PRPF31: variants seen among roughly 807,000 people sequenced by gnomAD.
PRPF31 encodes pre-mRNA processing factor 31, also known as U4/U6 small nuclear ribonucleoprotein Prp31.
A neutral mutation model predicts 60.4 loss-of-function variants in PRPF31; 12 were observed. That is an observed-to-expected ratio of 0.20 (90% CI 0.13 to 0.32). The LOEUF is 0.32. Ranked by LOEUF, PRPF31 falls within the 10% of genes least tolerant of loss-of-function variation. PRPF31 has a pLI of 1.00. For synonymous variants in PRPF31, 287 were observed against 287.9 expected, an observed-to-expected ratio of 1.00 and a Z score of 0.03; for missense variants, 431 against 687.1, an observed-to-expected ratio of 0.63 and a Z score of 4.17.
intron 1 of PRPF31, among the ~76,000 whole-genome samples, chr19:54,117,102 AG>A (rs2073664103): frequency 6.6e-6 from 1 of 151,964 alleles, no homozygotes; most frequent in Non-Finnish European, 1.5e-5. Context: ...CTCAAAAAAA[AG>A]AAAAGAAAAG....
intron 8 of PRPF31, among the ~76,000 whole-genome samples, chr19:54,126,309 T>C (rs587638785): frequency 6.6e-6 from 1 of 152,276 alleles, no homozygotes; most frequent in African/African-American, 2.4e-5. Context: ...CATCCTTACC[T>C]GATGGCCACT....
At chr19:54,122,640 G>A in intron 5 of PRPF31, 46 bp downstream of exon 5, 2 of 1,504,824 alleles carry the variant, frequency 1.3e-6, no homozygotes, top group Non-Finnish European at 1.9e-6. Flanking sequence ...TGAAGGGGCA[G>A]GCGGGGCTCA....
intron 13 of PRPF31, among the ~76,000 whole-genome samples, chr19:54,130,638 AG>A (rs1209499151): frequency 6.6e-6 from 1 of 151,214 alleles, no homozygotes; most frequent in Non-Finnish European, 1.5e-5. Context: ...AAAAAAAAAA[AG>A]AAGGCAGAAA....
intron 3 of PRPF31, among the ~76,000 whole-genome samples, chr19:54,121,393 T>G (rs1600333209): frequency 7.7e-5 from 10 of 129,122 alleles, no homozygotes; most frequent in African/African-American, 1.5e-4. Context: ...TGAGGTGTGG[T>G]GAGAGGATGG....
At position 54,129,375 on chromosome 19, in the gene PRPF31, C is replaced by A. The variant is rs746073339; in HGVS notation, c.1374+5C>A. On this transcript the variant is annotated splice_donor_5th_base_variant and intron_variant, in intron 13 of 13. Coordinates refer to ENST00000321030, the MANE Select transcript of PRPF31 (RefSeq NM_015629.4). ...GTGGCCTTCACCCCACTCCAGGTAC[C>A]TCCCCTGGGCCGGCTCTGTCCCCAG... is the stretch of plus-strand genomic sequence containing the variant. The A allele has an allele frequency of 3.1e-6, 5 of 1,588,878 alleles. No individual in the cohort carries two copies. Among genetic ancestry groups the A allele is most frequent in the Non-Finnish European group, 1.7e-6 (2 of 1,169,048 alleles).
At chr19:54,128,682 C>T (rs1227086647) in intron 11 of PRPF31, among the ~76,000 whole-genome samples, 1 of 152,140 alleles carries the variant, frequency 6.6e-6, no homozygotes, top group Non-Finnish European at 1.5e-5. Flanking sequence ...CCGCCCCGTC[C>T]CTGGGCCCCG....
At chr19:54,131,286 C>G (rs1445230736) in intron 13 of PRPF31, 21 bp from the exon 14 acceptor site, 14 of 1,613,510 alleles carry the variant, frequency 8.7e-6, no homozygotes, top group Non-Finnish European at 1.2e-5. Context: ...ACCCATCATC[C>G]TCTCTCCCTC....
rs759047815 is a variant in PRPF31 at position 54,126,510 on chromosome 19, C to T, written c.856-18C>T. 31 of 1,608,988 alleles carry T rather than the reference C, an allele frequency of 1.9e-5. No individual in the cohort carries two copies. The highest frequency in any genetic ancestry group is 4.5e-5 in the East Asian group (2 of 44,740). On this transcript the variant is annotated intron_variant, in intron 8 of 13. Transcript: ENST00000321030. ...GTCTGTCTCACACAGATTCCACCCC[C>T]GTTTTCCGTTGCTCCAGGATCTGCG...
In PRPF31 at chr19:54,118,262, C is replaced by T; in HGVS notation, c.-8-9C>T. On this transcript the variant is annotated splice_polypyrimidine_tract_variant and intron_variant, in intron 1 of 13. Coordinates refer to ENST00000321030, the MANE Select transcript of PRPF31 (RefSeq NM_015629.4). ...CAAGTTTTTAGGGAACGCTGCTGTCCCTCCCCAGGCCTCGGGATGTCTCTG... is the reference window on the plus strand; with the variant it reads ...CAAGTTTTTAGGGAACGCTGCTGTCTCTCCCCAGGCCTCGGGATGTCTCTG... The T allele has an allele frequency of 6.2e-7, 1 of 1,612,328 alleles. No individual in the cohort carries two copies. Among genetic ancestry groups the T allele is most frequent in the South Asian group, 1.1e-5 (1 of 90,990 alleles).
At position 54,123,817 on chromosome 19, in the gene PRPF31, C is replaced by A; in HGVS notation, c.596C>A (p.Ala199Asp). ...EACDMALELN[A>D]SKHRIYEYVE... ...TGCGACATGGCGCTGGAGCTGAACGCCTCCAAGCACCGCATCTACGAGTAT... is the reference window on the plus strand; with the variant it reads ...TGCGACATGGCGCTGGAGCTGAACGACTCCAAGCACCGCATCTACGAGTAT... The change falls in exon 7 of 14, where the codon GCC becomes GAC. Residue 199 changes from alanine to aspartate, a missense_variant. Ala to Asp is a moderately radical substitution (Grantham distance 126). Coordinates refer to ENST00000321030, the MANE Select transcript of PRPF31 (RefSeq NM_015629.4). 6.2e-7 allele frequency: 1 copy of A among 1,613,532 alleles called. No individual in the cohort carries two copies. The highest frequency in any genetic ancestry group is 8.5e-7 in the Non-Finnish European group (1 of 1,180,018).
In PRPF31 at chr19:54,128,076, G is replaced by T. The variant is rs1600355311; in HGVS notation, c.949G>T (p.Gly317Cys). 1 of 1,548,620 alleles carries T rather than the reference G, an allele frequency of 6.5e-7. No homozygotes were observed. Among genetic ancestry groups the T allele is most frequent in the Non-Finnish European group, 8.7e-7 (1 of 1,146,826 alleles). Residue 317 changes from glycine to cysteine, a missense_variant, in exon 10 of 14, where the codon GGC becomes TGC. This residue lies in a region of PRPF31 where 314 missense variants were observed against 475.3 expected (regional missense o/e 0.66). Coordinates refer to ENST00000321030, the MANE Select transcript of PRPF31 (RefSeq NM_015629.4). ...SFHESTEGKVGYELKDEIERK... is the reference protein window; with the variant it reads ...SFHESTEGKVCYELKDEIERK... ...ACCTCCCCCTCGCCCTCCCCAGGTG[G>T]GCTACGAACTGAAGGATGAGATCGA... is the stretch of plus-strand genomic sequence containing the variant.
chr19:54,126,511 G>A lies in PRPF31; in HGVS notation c.856-17G>A, dbSNP rs764677608. The A allele has an allele frequency of 1.9e-6, 3 of 1,609,954 alleles. No individual in the cohort carries two copies. Among genetic ancestry groups the A allele is most frequent in the South Asian group, 2.2e-5 (2 of 90,316 alleles). ...TCTGTCTCACACAGATTCCACCCCC[G>A]TTTTCCGTTGCTCCAGGATCTGCGG... is the stretch of plus-strand genomic sequence containing the variant. On this transcript the variant is annotated splice_polypyrimidine_tract_variant and intron_variant, in intron 8 of 13. Coordinates refer to ENST00000321030, the MANE Select transcript of PRPF31 (RefSeq NM_015629.4).
intron 11 of PRPF31, 45 bp downstream of exon 11, chr19:54,128,422 C>CGCCACCGCCCTCTGCCTCCT: frequency 2.0e-6 from 3 of 1,519,244 alleles, no homozygotes; most frequent in South Asian, 1.2e-5. Flanking sequence ...GCCAGCCAGC[C>CGCCACCGCCCTCTGCCTCCT]GCCACCGCCC....
chr19:54,117,852 TA>T (rs1301899782), intron 1 of PRPF31, among the ~76,000 whole-genome samples: 1 of 151,710 alleles, frequency 6.6e-6, no homozygotes, highest in Non-Finnish European at 1.5e-5. Flanking sequence ...ACTCCATCTT[TA>T]AAAAATAAAT....
At chr19:54,123,599 A>G in intron 6 of PRPF31, 39 bp downstream of exon 6, 1 of 1,610,024 alleles carries the variant, frequency 6.2e-7, no homozygotes, top group Non-Finnish European at 8.5e-7. Flanking sequence ...CCCTAATGGG[A>G]TTGGGGATTA....
At position 54,122,519 on chromosome 19, in the gene PRPF31, G is replaced by T; in HGVS notation, c.345G>T (p.Arg115=). 1 of 1,613,910 alleles carries T rather than the reference G, an allele frequency of 6.2e-7. No individual in the cohort carries two copies. Among genetic ancestry groups the T allele is most frequent in the Non-Finnish European group, 8.5e-7 (1 of 1,179,814 alleles). ...TAGACATCATCCATAAGTTCATCCG[G>T]GATAAGTACTCAAAGAGATTCCCTG... ...NELNIIHKFI[R]DKYSKRFPEL... Residue 115 remains arginine, a synonymous_variant, in exon 5 of 14, where the codon CGG becomes CGT. Transcript: ENST00000321030.
chr19:54,118,773 C>T (rs981399715), intron 3 of PRPF31, 140 bp downstream of exon 3: 16 of 779,768 alleles, frequency 2.1e-5, no homozygotes, highest in Non-Finnish European at 2.7e-5. Flanking sequence ...CACCCCAACC[C>T]GTTCCCTTTT....
Position 54,123,774 on chromosome 19 carries a change from G to T in PRPF31, c.553G>T (p.Glu185Ter). The T allele has an allele frequency of 6.2e-7, 1 of 1,611,378 alleles. No homozygotes were observed. Residue 185 changes from glutamate (E) to a stop codon, truncating the protein, a stop_gained, in exon 7 of 14, where the codon GAG becomes TAG. Transcript: ENST00000321030. LOFTEE classifies it high-confidence loss of function. ...GCAGCAGCTGTCGGAGGAGGAGCTGGAGCGGCTGGAGGAGGCCTGCGACAT... is the reference window on the plus strand; with the variant it reads ...GCAGCAGCTGTCGGAGGAGGAGCTGTAGCGGCTGGAGGAGGCCTGCGACAT... ...QGQQLSEEEL[E>*]RLEEACDMAL... is the part of the protein sequence containing the mutation.
At chr19:54,118,155 A>G (rs1457412654) in intron 1 of PRPF31, 116 bp from the exon 2 acceptor site, 1 of 1,423,028 alleles carries the variant, frequency 7.0e-7, no homozygotes, top group Non-Finnish European at 9.9e-7. Context: ...TGGAGCCTGC[A>G]TGCTAGTGGG....
Sources: gnomAD v4.1 joint callset for allele counts (sites outside exome capture counted in the v4.1 genomes callset) on GRCh38, gnomAD v4.1.1 for gene constraint, gnomAD v4.1.1 regional missense constraint, MANE v1.5 for transcripts, NCBI Gene and HGNC (gene_info 2026-07-23, HGNC 2026-07-21) for gene names.